The following POC1A variants were observed in gnomAD, a reference collection of about 807,000 sequenced individuals.
The protein encoded by POC1A is POC1 centriolar protein homolog A.
A neutral mutation model predicts 47.8 loss-of-function variants in POC1A; 34 were observed. That is an observed-to-expected ratio of 0.71 (90% CI 0.54 to 0.95). The LOEUF is 0.95. POC1A is among the 40% of genes least tolerant of loss of function. The pLI is 0.00. For synonymous variants in POC1A, 177 were observed against 207.6 expected (o/e 0.85, Z 1.27); for missense variants, 466 against 528.3 (o/e 0.88, Z 1.16).
Position 52,138,286 on chromosome 3 carries a change from C to T in POC1A, c.696G>A (p.Val232=). The T allele has an allele frequency of 6.2e-7, 1 of 1,612,528 alleles. No homozygotes were observed. The highest frequency in any genetic ancestry group is 8.5e-7 in the Non-Finnish European group (1 of 1,179,184). Residue 232 remains valine (V), a synonymous_variant, in exon 7 of 11, where the codon GTG becomes GTA. Coordinates refer to ENST00000296484, the MANE Select transcript of POC1A (RefSeq NM_015426.5). The part of the protein sequence containing the change: ...LQHYQLHSAA[V]NGLSFHPSGN... ...CCGACGGGTGGAAAGAGAGCCCGTT[C>T]ACTGCTGCACTGTGCACTGGGGGAA...
At chr3:52,114,196 G>A (rs760949567) in intron 9 of POC1A, among the ~76,000 whole-genome samples, 1 of 152,212 alleles carries the variant, frequency 6.6e-6, no homozygotes, top group Admixed American at 6.5e-5. Context: ...CACCTTCCTA[G>A]TGGGGCTGCC....
rs376441907 is a variant in POC1A, at chr3:52,093,722, G to A, written c.1125+2847C>T. ...CTCCATTGGCTCACTCAGCTTCCTG[G>A]CTTCCAGGCCTTTCCTTTACACAGA... On this transcript the variant is annotated intron_variant, in intron 10 of 10. Transcript: ENST00000296484. 2.4e-4 allele frequency among the ~76,000 whole-genome samples: 36 copies of A among 152,318 alleles called. 1 individual carries two copies. The highest frequency in any genetic ancestry group is 8.7e-4 in the African/African-American group (36 of 41,576).
intron 10 of POC1A, among the ~76,000 whole-genome samples, chr3:52,078,373 A>T (rs574096626): frequency 1.4e-5 from 2 of 144,626 alleles, no homozygotes; most frequent in South Asian, 2.1e-4. Flanking sequence ...CCATGTAGTT[A>T]AAAAAAAAAA....
intron 6 of POC1A, among the ~76,000 whole-genome samples, chr3:52,141,297 C>T (rs1698185913): frequency 6.6e-6 from 1 of 152,236 alleles, no homozygotes; most frequent in Admixed American, 6.5e-5. Context: ...GGCTGCAAAC[C>T]AGCCAAGGGC....
intron 9 of POC1A, among the ~76,000 whole-genome samples, chr3:52,099,152 A>T (rs1702914289): frequency 6.6e-6 from 1 of 152,184 alleles, no homozygotes; most frequent in South Asian, 2.1e-4. Flanking sequence ...ATTGCCCAGC[A>T]CAGAGCTGAA....
chr3:52,149,886 A>G lies in POC1A; in HGVS notation c.205T>C (p.Phe69Leu). The G allele has an allele frequency of 6.2e-7, 1 of 1,613,986 alleles. No individual in the cohort carries two copies. Among genetic ancestry groups the G allele is most frequent in the Non-Finnish European group, 8.5e-7 (1 of 1,180,032 alleles). Residue 69 changes from phenylalanine to leucine, a missense_variant, in exon 3 of 11, where the codon TTC becomes CTC. By Grantham distance (22) the Phe-to-Leu change is conservative (BLOSUM62 0). Transcript: ENST00000296484. ...GCAAGCAGGTGTCCCGAAGGAGAGA[A>G]GTTCACACAGGTGACGGCATCCTTG... is the stretch of plus-strand genomic sequence containing the variant. Reference protein sequence around the residue: ...GHKDAVTCVNFSPSGHLLASG... With the variant: ...GHKDAVTCVNLSPSGHLLASG...
intron 4 of POC1A, 114 bp from the exon 5 acceptor site, chr3:52,147,209 C>A (rs1003855417): frequency 9.4e-6 from 7 of 746,632 alleles, no homozygotes; most frequent in African/African-American, 3.5e-5. Flanking sequence ...GCAGGAACCA[C>A]CCGGGGTCAC....
At chr3:52,150,958 T>G in intron 2 of POC1A, 58 bp downstream of exon 2, 13 of 1,506,858 alleles carry the variant, frequency 8.6e-6, no homozygotes, top group Non-Finnish European at 1.1e-5. Context: ...CCCTCCGAGG[T>G]AAAAACTTGG....
chr3:52,131,185 G>A (rs1577893654), intron 7 of POC1A, among the ~76,000 whole-genome samples: 1 of 152,004 alleles, frequency 6.6e-6, no homozygotes. Context: ...AAGTAAGTGT[G>A]GCTCAAGATT....
At chr3:52,077,527 A>G (rs1285092032) in intron 10 of POC1A, among the ~76,000 whole-genome samples, 1 of 152,218 alleles carries the variant, frequency 6.6e-6, no homozygotes, top group African/African-American at 2.4e-5. Context: ...ATTGCTGCCC[A>G]TGGAACACAA....
chr3:52,088,826 G>A (rs912775756), intron 10 of POC1A, among the ~76,000 whole-genome samples: 1 of 151,186 alleles, frequency 6.6e-6, no homozygotes, highest in African/African-American at 2.4e-5. Flanking sequence ...CCTGCTCCCA[G>A]CCTCTGCTCT....
Position 52,149,930 on chromosome 3 carries a change from G to A in POC1A, c.161C>T (p.Ala54Val), listed in dbSNP as rs761891339. The change falls in exon 3 of 11, where the codon GCC becomes GTC. Residue 54 changes from alanine (A) to valine (V), a missense_variant. Transcript: ENST00000296484. ...MVWHMKPQSRAYRFTGHKDAV... is the reference protein window; with the variant it reads ...MVWHMKPQSRVYRFTGHKDAV... Reference sequence around the variant, plus strand: ...ATCCTTGTGGCCAGTGAAGCGGTAGGCGCGTGACTGCGGCTTCATGTGCCA... The same window carrying A: ...ATCCTTGTGGCCAGTGAAGCGGTAGACGCGTGACTGCGGCTTCATGTGCCA... 3 of 1,613,896 alleles carry A rather than the reference G, an allele frequency of 1.9e-6. No homozygotes were observed. The Admixed American group carries it at 5.0e-5, about 27-fold the overall frequency.
chr3:52,099,861 G>C (rs1702937236), intron 9 of POC1A, among the ~76,000 whole-genome samples: 1 of 152,088 alleles, frequency 6.6e-6, no homozygotes, highest in Non-Finnish European at 1.5e-5. Flanking sequence ...AAAAGAAAAA[G>C]TAATGCTCAC....
rs987237637 is a variant in POC1A at position 52,094,449 on chromosome 3, C to T, written c.1125+2120G>A. On this transcript the variant is annotated intron_variant, in intron 10 of 10. Transcript: ENST00000296484. ...AAAGGCACAGGGAAACTTTCAACCC[C>T]CTGGTGGAGATAGCTCTGGCTGTGG... Among the ~76,000 whole-genome samples, 3 of 152,238 alleles carry T rather than the reference C, an allele frequency of 2.0e-5. No individual in the cohort carries two copies. In the South Asian group the frequency reaches 6.2e-4, roughly 31 times the overall value.
intron 6 of POC1A, among the ~76,000 whole-genome samples, chr3:52,141,241 G>A (rs1039098018): frequency 6.6e-6 from 1 of 152,222 alleles, no homozygotes; most frequent in Non-Finnish European, 1.5e-5. Context: ...ACTCCATGCT[G>A]CTCTGCCTGT....
At chr3:52,095,030 G>A (rs1315554351) in intron 10 of POC1A, among the ~76,000 whole-genome samples, 1 of 152,156 alleles carries the variant, frequency 6.6e-6, no homozygotes, top group Non-Finnish European at 1.5e-5. Context: ...TACTCCTCTG[G>A]ATCCAATGAA....
Position 52,075,688 on chromosome 3 carries a change from A to G in POC1A, c.*199T>C. 1.9e-6 allele frequency: 1 copy of G among 527,950 alleles called. No individual in the cohort carries two copies. Among genetic ancestry groups the G allele is most frequent in the Non-Finnish European group, 3.5e-6 (1 of 285,270 alleles). 32.7% of individuals were successfully genotyped at this position (527,950 alleles called of 1,614,324 possible). A position where few individuals can be genotyped will look rare whatever the true frequency, so the allele number is the denominator to read the frequency against. On this transcript the variant is annotated 3_prime_UTR_variant, in exon 11 of 11. Transcript: ENST00000296484. ...CATCATTTGTGTGTGAGCCCGGCCC[A>G]CTGGGGACCTCTGGCTGCCAGGTGG... is the stretch of plus-strand genomic sequence containing the variant.
In POC1A at chr3:52,138,271, G is replaced by C; in HGVS notation, c.711C>G (p.Phe237Leu). 6.2e-7 allele frequency: 1 copy of C among 1,613,836 alleles called. No homozygotes were observed. Among genetic ancestry groups the C allele is most frequent in the Non-Finnish European group, 8.5e-7 (1 of 1,179,822 alleles). Residue 237 changes from phenylalanine to leucine, a missense_variant, in exon 7 of 11, where the codon TTC becomes TTG. Transcript: ENST00000296484. ...TGATCAGGTAGTTTCCCGACGGGTG[G>C]AAAGAGAGCCCGTTCACTGCTGCAC... Reference protein sequence around the residue: ...LHSAAVNGLSFHPSGNYLITA... With the variant: ...LHSAAVNGLSLHPSGNYLITA...
intron 10 of POC1A, among the ~76,000 whole-genome samples, chr3:52,088,500 T>G (rs920476794): frequency 1.3e-5 from 2 of 152,102 alleles, no homozygotes; most frequent in African/African-American, 4.8e-5. Context: ...ACAGAGCGCA[T>G]GGGAGGAAGC....
Sources: allele counts gnomAD v4.1 joint callset (sites outside exome capture counted in the v4.1 genomes callset), GRCh38; gene constraint gnomAD v4.1.1; transcripts MANE v1.5; gene names NCBI Gene and HGNC (gene_info 2026-07-23, HGNC 2026-07-21).